WIPF3: variants seen among roughly 807,000 people sequenced by gnomAD.
The protein encoded by WIPF3 is WAS/WASL-interacting protein family member 3.
In WIPF3, 33 loss-of-function variants were observed where a neutral mutation model predicts 38.9. The observed-to-expected ratio is 0.85, with a 90% CI of 0.64 to 1.14. The LOEUF is 1.14. Among genes scored for constraint, WIPF3 ranks in the 50% most tolerant of loss-of-function variants. The pLI, the probability that WIPF3 is intolerant of heterozygous loss-of-function variation, is 0.00. For synonymous variants in WIPF3, 324 were observed against 269.3 expected (o/e 1.20, Z -1.99); for missense variants, 711 against 652.5 (o/e 1.09, Z -0.98).
chr7:29,879,118 A>G lies in WIPF3; in HGVS notation c.333A>G (p.Pro111=). The change falls in exon 4 of 9, where the codon CCA becomes CCG. Residue 111 remains proline, a synonymous_variant. Coordinates refer to ENST00000242140, the MANE Select transcript of WIPF3 (RefSeq NM_001080529.3). ...CTGGTGGCTTTCCTGTATTGCGACC[A>G]GCAGGCCAGCGGGATGTAGCAGGTA... ...LFAGGFPVLR[P]AGQRDVAGGK... 1 of 1,612,368 alleles carries G rather than the reference A, an allele frequency of 6.2e-7. No homozygotes were observed. Among genetic ancestry groups the G allele is most frequent in the Non-Finnish European group, 8.5e-7 (1 of 1,179,234 alleles).
chr7:29,834,616 G>A, intron 1 of WIPF3, 52 bp from the exon 2 acceptor site: 1 of 1,369,892 alleles, frequency 7.3e-7, no homozygotes, highest in Non-Finnish European at 9.5e-7. Flanking sequence ...CACATTTCCT[G>A]CATGTAAGTA....
chr7:29,867,373 A>C (rs1246310402), intron 2 of WIPF3, among the ~76,000 whole-genome samples: 2 of 152,216 alleles, frequency 1.3e-5, no homozygotes, highest in Admixed American at 1.3e-4. Flanking sequence ...TGGAAATAAC[A>C]ACGGTAATGT....
intron 1 of WIPF3, among the ~76,000 whole-genome samples, chr7:29,832,125 A>G (rs1222118446): frequency 6.6e-6 from 1 of 152,186 alleles, no homozygotes; most frequent in Non-Finnish European, 1.5e-5. Flanking sequence ...AAAAGATGAG[A>G]TCCTTATATA....
intron 1 of WIPF3, among the ~76,000 whole-genome samples, chr7:29,809,615 GGGCAGCACACGTGTTTTCTCACT>G (rs1300996590): frequency 2.0e-5 from 3 of 152,208 alleles, no homozygotes; most frequent in African/African-American, 4.8e-5. Flanking sequence ...TGCTGGGCAG[GGGCAGCACACGTGTTTTCTCACT>G]GGCTTCAGCC....
intron 2 of WIPF3, among the ~76,000 whole-genome samples, chr7:29,871,690 C>A (rs1785499608): frequency 6.6e-6 from 1 of 152,142 alleles, no homozygotes; most frequent in Admixed American, 6.5e-5. Flanking sequence ...GCAGTTGACT[C>A]ATTTGTTGGA....
chr7:29,915,572 C>T lies in WIPF3; in HGVS notation c.*1056C>T, dbSNP rs1337999006. 2.6e-5 allele frequency: 4 copies of T among 152,240 alleles called. No individual in the cohort carries two copies. The highest frequency in any genetic ancestry group is 5.9e-5 in the Non-Finnish European group (4 of 68,076). 9.4% of individuals were successfully genotyped at this position (152,240 alleles called of 1,614,324 possible). A position where few individuals can be genotyped will look rare whatever the true frequency, so the allele number is the denominator to read the frequency against. The stretch of plus-strand genomic sequence containing the variant: ...GCTCCCTTCTGAGCTAAAGGAGAAC[C>T]TTGCCTGACAACTCCACATTCATTC... On this transcript the variant is annotated 3_prime_UTR_variant, in exon 9 of 9. Transcript: ENST00000242140.
At position 29,884,381 on chromosome 7, in the gene WIPF3, T is replaced by TC; in HGVS notation, c.893dup (p.Tyr299LeufsTer19). On this transcript the variant is annotated frameshift_variant, in exon 5 of 9. Transcript: ENST00000242140. LOFTEE classifies it high-confidence loss of function. ...GAGCCTCCCGCCCCGCCGCCCCCGC[T>TC]CCCCCCTTATGCTTCTTGCTCCCCG... The TC allele has an allele frequency of 1.3e-5, 5 of 382,930 alleles. No individual in the cohort carries two copies. The highest frequency in any genetic ancestry group is 1.6e-5 in the Non-Finnish European group (5 of 308,056). 23.7% of individuals were successfully genotyped at this position (382,930 alleles called of 1,614,324 possible).
At chr7:29,876,006 G>A (rs1384254935) in intron 3 of WIPF3, 44 bp downstream of exon 3, 1 of 1,603,852 alleles carries the variant, frequency 6.2e-7, no homozygotes. Context: ...CCAAAGACAG[G>A]ACAGGCATGT....
intron 6 of WIPF3, among the ~76,000 whole-genome samples, chr7:29,888,614 T>G (rs1785941575): frequency 6.6e-6 from 1 of 151,788 alleles, no homozygotes; most frequent in African/African-American, 2.4e-5. Context: ...ACTCACCAGG[T>G]AGAGGGACAT....
At chr7:29,886,532 T>G (rs2128076631) in intron 5 of WIPF3, among the ~76,000 whole-genome samples, 1 of 152,014 alleles carries the variant, frequency 6.6e-6, no homozygotes, top group African/African-American at 2.4e-5. Flanking sequence ...AATTTTTGTA[T>G]TTTTAGTAGA....
chr7:29,899,166 C>A (rs1786221071), intron 7 of WIPF3, among the ~76,000 whole-genome samples: 1 of 152,126 alleles, frequency 6.6e-6, no homozygotes, highest in South Asian at 2.1e-4. Flanking sequence ...ATGAGGGTCC[C>A]ATCCTCATGA....
chr7:29,853,865 C>T (rs187013264), intron 2 of WIPF3, among the ~76,000 whole-genome samples: 82 of 152,290 alleles, frequency 5.4e-4, no homozygotes, highest in Non-Finnish European at 1.8e-4. Context: ...TTGGGCATAG[C>T]GATGCTCTTT....
At chr7:29,829,358 A>G (rs1373005110) in intron 1 of WIPF3, among the ~76,000 whole-genome samples, 2 of 151,966 alleles carry the variant, frequency 1.3e-5, no homozygotes, top group African/African-American at 4.8e-5. Context: ...CTGGGATTAC[A>G]GGAGCCTGCC....
At chr7:29,845,467 G>A (rs1784985577) in intron 2 of WIPF3, among the ~76,000 whole-genome samples, 1 of 152,186 alleles carries the variant, frequency 6.6e-6, no homozygotes, top group African/African-American at 2.4e-5. Flanking sequence ...CATGACATTG[G>A]TCACTGCTTG....
At chr7:29,906,755 G>GA in intron 8 of WIPF3, among the ~76,000 whole-genome samples, 1 of 152,074 alleles carries the variant, frequency 6.6e-6, no homozygotes, top group East Asian at 1.9e-4. Flanking sequence ...AAGGCAAAGA[G>GA]AAAATCTTGA....
chr7:29,884,361 T>TGCCCCCCCCCCCCCCCCCCCCCCC lies in WIPF3; in HGVS notation c.867_868insGCCCCCCCCCCCCCCCCCCCCCCC (p.Pro289_Pro290insAlaProProProProProProPro). The TGCCCCCCCCCCCCCCCCCCCCCCC allele has an allele frequency of 7.6e-7, 1 of 1,317,924 alleles. No individual in the cohort carries two copies. Among genetic ancestry groups the TGCCCCCCCCCCCCCCCCCCCCCCC allele is most frequent in the Non-Finnish European group, 9.8e-7 (1 of 1,017,958 alleles). 81.6% of individuals were successfully genotyped at this position (1,317,924 alleles called of 1,614,324 possible). A position where few individuals can be genotyped will look rare whatever the true frequency, so the allele number is the denominator to read the frequency against. On this transcript the variant is annotated inframe_insertion, in exon 5 of 9. Transcript: ENST00000242140. ...GCCCTGCGCAAGATGCGCAGGAGCC[T>TGCCCCCCCCCCCCCCCCCCCCCCC]CCCGCCCCGCCGCCCCCGCTCCCCC... is the stretch of plus-strand genomic sequence containing the variant.
intron 2 of WIPF3, among the ~76,000 whole-genome samples, chr7:29,872,950 C>G (rs1050684061): frequency 5.3e-5 from 8 of 152,058 alleles, no homozygotes; most frequent in Non-Finnish European, 8.8e-5. Flanking sequence ...TGAACTGCAC[C>G]GTGTAAGTAA....
chr7:29,866,051 TG>T (rs1257981377), intron 2 of WIPF3, among the ~76,000 whole-genome samples: 5 of 152,026 alleles, frequency 3.3e-5, no homozygotes, highest in Admixed American at 6.6e-5. Flanking sequence ...CCCAGCTACT[TG>T]GGAGGCTGAG....
intron 7 of WIPF3, among the ~76,000 whole-genome samples, chr7:29,893,242 G>A (rs945772323): frequency 6.6e-6 from 1 of 152,102 alleles, no homozygotes; most frequent in Non-Finnish European, 1.5e-5. Flanking sequence ...GAAGGAACTG[G>A]AGGTTTCAGG....
Sources: allele counts gnomAD v4.1 joint callset (sites outside exome capture counted in the v4.1 genomes callset), GRCh38; gene constraint gnomAD v4.1.1; transcripts MANE v1.5; gene names NCBI Gene and HGNC (gene_info 2026-07-23, HGNC 2026-07-21).